The following LIPH variants were observed in gnomAD, a reference collection of about 807,000 sequenced individuals.
LIPH encodes lipase H.
In LIPH, 32 loss-of-function variants were observed where a neutral mutation model predicts 47.6. The ratio of observed to expected loss-of-function variants is 0.67; its 90% CI spans 0.51 to 0.90. The LOEUF (loss-of-function observed/expected upper bound fraction) is 0.90, where lower values mean the gene tolerates loss of function less well. LIPH is among the 40% of genes least tolerant of loss of function. The pLI, the probability that LIPH is intolerant of heterozygous loss-of-function variation, is 0.00. For missense variants in LIPH, 497 were observed against 541.4 expected, an observed-to-expected ratio of 0.92 and a Z score of 0.81; for synonymous variants, 190 against 195.6, an observed-to-expected ratio of 0.97 and a Z score of 0.24.
At chr3:185,549,700 AT>A (rs1720994752) in intron 1 of LIPH, among the ~76,000 whole-genome samples, 1 of 152,050 alleles carries the variant, frequency 6.6e-6, no homozygotes, top group Non-Finnish European at 1.5e-5. Context: ...GGGCGGGAAA[AT>A]TTTTGAGACA....
At chr3:185,529,705 C>T (rs772930106) in intron 3 of LIPH, among the ~76,000 whole-genome samples, 108 of 151,192 alleles carry the variant, frequency 7.1e-4, no homozygotes, top group Non-Finnish European at 1.4e-3. Context: ...GCCTGGGCAA[C>T]ATACGGAGAC....
At chr3:185,542,377 G>A (rs968801959) in intron 1 of LIPH, among the ~76,000 whole-genome samples, 3 of 151,298 alleles carry the variant, frequency 2.0e-5, no homozygotes, top group Non-Finnish European at 4.4e-5. Flanking sequence ...GTGCAGTGGC[G>A]AGATCTCGGC....
intron 1 of LIPH, among the ~76,000 whole-genome samples, chr3:185,538,796 T>C (rs533869183): frequency 3.6e-3 from 11 of 3,082 alleles, no homozygotes; most frequent in African/African-American, 4.7e-3. Flanking sequence ...TATACATATA[T>C]ACACACATAT....
chr3:185,540,198 C>G (rs970295716), intron 1 of LIPH, among the ~76,000 whole-genome samples: 3 of 152,198 alleles, frequency 2.0e-5, no homozygotes, highest in Non-Finnish European at 4.4e-5. Context: ...ACATCCCTCC[C>G]CATCTTCTCA....
intron 1 of LIPH, among the ~76,000 whole-genome samples, chr3:185,546,352 CAAA>C (rs56984831): frequency 1.2e-4 from 7 of 60,542 alleles, no homozygotes; most frequent in Admixed American, 3.9e-4. Flanking sequence ...GACTCCGTCT[CAAA>C]AAAAAAAAAA....
intron 4 of LIPH, among the ~76,000 whole-genome samples, chr3:185,526,681 TATAATATAAAATAAATAAA>T (rs1184911130): frequency 0.012 from 387 of 32,408 alleles, 4 homozygotes; most frequent in African/African-American, 0.031. Context: ...TATAATATAA[TATAATATAAAATAAATAAA>T]ATAAAATAAA....
intron 5 of LIPH, among the ~76,000 whole-genome samples, chr3:185,523,837 C>T (rs1719981307): frequency 6.6e-6 from 1 of 152,056 alleles, no homozygotes; most frequent in South Asian, 2.1e-4. Context: ...ATTCTCTTGC[C>T]TCAGCCTCCC....
Position 185,549,140 on chromosome 3 carries a change from A to AAAAAAG in LIPH, c.49+3282_49+3283insCTTTTT, listed in dbSNP as rs539103659. ...GCGAGACTCCATCTCAAAAAAAAAA[A>AAAAAAG]AAAAGAAAATATTTGTTTCTTTTTT... On this transcript the variant is annotated intron_variant, in intron 1 of 9. Transcript: ENST00000296252. 5.1e-3 allele frequency among the ~76,000 whole-genome samples: 776 copies of AAAAAAG among 151,834 alleles called. 16 individuals carry two copies. The highest frequency in any genetic ancestry group is 0.036 in the Admixed American group (552 of 15,224).
chr3:185,534,948 G>C lies in LIPH; in HGVS notation c.234C>G (p.Phe78Leu), dbSNP rs747880338. ...AAACAGGAGGGGAGCCTGTTGGCCTGAATCCATGGACAATGAAGGTGGTTT... is the reference window on the plus strand; with the variant it reads ...AAACAGGAGGGGAGCCTGTTGGCCTCAATCCATGGACAATGAAGGTGGTTT... The part of the protein sequence containing the change: ...TKKTTFIVHG[F>L]RPTGSPPVWM... Residue 78 changes from phenylalanine (F) to leucine (L), a missense_variant, in exon 2 of 10, where the codon TTC becomes TTG. Coordinates refer to ENST00000296252, the MANE Select transcript of LIPH (RefSeq NM_139248.3). 5 of 1,613,996 alleles carry C rather than the reference G, an allele frequency of 3.1e-6. No homozygotes were observed. The highest frequency in any genetic ancestry group is 3.3e-4 in the Middle Eastern group (2 of 6,062).
chr3:185,532,807 A>T (rs1056197258), intron 3 of LIPH, among the ~76,000 whole-genome samples: 1 of 151,842 alleles, frequency 6.6e-6, no homozygotes, highest in Non-Finnish European at 1.5e-5. Context: ...AATAAATAAT[A>T]AAATAAAATA....
chr3:185,534,662 C>G, intron 2 of LIPH, 103 bp downstream of exon 2: 1 of 1,204,246 alleles, frequency 8.3e-7, no homozygotes, highest in Non-Finnish European at 1.2e-6. Context: ...CAAAATGTTG[C>G]AATATAGGCC....
chr3:185,550,813 G>A (rs978084479), intron 1 of LIPH, among the ~76,000 whole-genome samples: 7 of 152,032 alleles, frequency 4.6e-5, no homozygotes, highest in Non-Finnish European at 1.0e-4. Context: ...GGTGATCCAC[G>A]CGCCTTGGCC....
intron 1 of LIPH, among the ~76,000 whole-genome samples, chr3:185,552,110 G>C (rs1316151283): frequency 6.6e-6 from 1 of 151,788 alleles, no homozygotes; most frequent in African/African-American, 2.4e-5. Context: ...GGCTAAGAAA[G>C]AAAATAAGAC....
chr3:185,516,957 T>C, intron 7 of LIPH, 110 bp downstream of exon 7: 1 of 798,496 alleles, frequency 1.3e-6, no homozygotes, highest in Non-Finnish European at 2.3e-6. Flanking sequence ...AGCTCCAAAG[T>C]TGATGCTTCA....
chr3:185,532,782 T>G (rs907359103), intron 3 of LIPH, among the ~76,000 whole-genome samples: 2 of 152,056 alleles, frequency 1.3e-5, no homozygotes, highest in African/African-American at 4.8e-5. Context: ...AGAGTGAGAC[T>G]CTTTCTCAAA....
chr3:185,542,057 A>G (rs1720731616), intron 1 of LIPH, among the ~76,000 whole-genome samples: 1 of 151,928 alleles, frequency 6.6e-6, no homozygotes. Flanking sequence ...GTGCCTGGCC[A>G]TATTTGTGAA....
At chr3:185,549,226 TGCCTGCTTTTAACCACTGGC>T (rs1720980422) in intron 1 of LIPH, among the ~76,000 whole-genome samples, 2 of 152,188 alleles carry the variant, frequency 1.3e-5, no homozygotes, top group Non-Finnish European at 1.5e-5. Flanking sequence ...TGGAAGGACA[TGCCTGCTTTTAACCACTGGC>T]TGTGTTTCTT....
chr3:185,514,904 C>T (rs1719679352), intron 7 of LIPH, among the ~76,000 whole-genome samples: 1 of 152,152 alleles, frequency 6.6e-6, no homozygotes, highest in Non-Finnish European at 1.5e-5. Flanking sequence ...ACAGTTTGGG[C>T]CAAGTCCACC....
At chr3:185,549,514 A>G (rs1371488405) in intron 1 of LIPH, among the ~76,000 whole-genome samples, 1 of 152,230 alleles carries the variant, frequency 6.6e-6, no homozygotes, top group Non-Finnish European at 1.5e-5. Flanking sequence ...GGGCCAAAAT[A>G]TCGATAGCAG....
Sources: allele counts gnomAD v4.1 joint callset (sites outside exome capture counted in the v4.1 genomes callset), GRCh38; gene constraint gnomAD v4.1.1; transcripts MANE v1.5; gene names NCBI Gene and HGNC (gene_info 2026-07-23, HGNC 2026-07-21).